The following CACNA1D variants were observed in gnomAD, a reference collection of about 807,000 sequenced individuals.
CACNA1D encodes voltage-dependent L-type calcium channel subunit alpha-1D.
A neutral mutation model predicts 257.1 loss-of-function variants in CACNA1D; 55 were observed. That is an observed-to-expected ratio of 0.21 (90% CI 0.17 to 0.27). The LOEUF (loss-of-function observed/expected upper bound fraction) is 0.27. CACNA1D is among the 10% of genes least tolerant of loss of function. The pLI is 1.00. For missense variants in CACNA1D, 1,876 were observed against 2,784.0 expected, an observed-to-expected ratio of 0.67 and a Z score of 7.34; for synonymous variants, 980 against 1,014.9, an observed-to-expected ratio of 0.97 and a Z score of 0.65.
chr3:53,732,720 A>G lies in CACNA1D; in HGVS notation c.2474-95A>G, dbSNP rs908039189. On this transcript the variant is annotated intron_variant, in intron 18 of 47. Coordinates refer to ENST00000350061, the MANE Select transcript of CACNA1D (RefSeq NM_001128840.3). The stretch of plus-strand genomic sequence containing the variant: ...TTCATGTAAGCAGGTAGATGTTGTT[A>G]AAGTTTAAGCCAAATTTGCATGTGA... The G allele has an allele frequency of 2.5e-6, 3 of 1,200,554 alleles. No individual in the cohort carries two copies. The Admixed American group carries it at 5.1e-5, about 20-fold the overall frequency. 74.4% of individuals were successfully genotyped at this position (1,200,554 alleles called of 1,614,324 possible).
At chr3:53,573,245 G>T (rs772755811) in intron 3 of CACNA1D, among the ~76,000 whole-genome samples, 1 of 152,008 alleles carries the variant, frequency 6.6e-6, no homozygotes, top group Non-Finnish European at 1.5e-5. Context: ...CCAACTGCTG[G>T]CAGGAAAGGG....
At chr3:53,625,707 C>T (rs1048125845) in intron 3 of CACNA1D, among the ~76,000 whole-genome samples, 14 of 152,094 alleles carry the variant, frequency 9.2e-5, no homozygotes, top group African/African-American at 2.9e-4. Context: ...AGGAATTTGC[C>T]GAAACTATAA....
Position 53,494,905 on chromosome 3 carries a change from A to G in CACNA1D, c.-262A>G. 4 of 462,244 alleles carry G rather than the reference A, an allele frequency of 8.7e-6. No homozygotes were observed. The highest frequency in any genetic ancestry group is 6.7e-5 in the South Asian group (3 of 44,524). The allele number at this position is 462,244 out of a possible 1,614,324, so 28.6% of individuals were successfully genotyped here. On this transcript the variant is annotated 5_prime_UTR_variant, in exon 1 of 48. Coordinates refer to ENST00000350061, the MANE Select transcript of CACNA1D (RefSeq NM_001128840.3). The stretch of plus-strand genomic sequence containing the variant: ...TATATATTATTAAGATAATATATAC[A>G]TTGGATTTTATTTTTTTAAAAAGTT...
intron 21 of CACNA1D, chr3:53,740,577 T>C: frequency 2.1e-6 from 1 of 478,202 alleles, no homozygotes. Context: ...GTTTTTTTTT[T>C]GTCTTTCGTG....
chr3:53,655,276 A>C (rs1187436072), intron 4 of CACNA1D, among the ~76,000 whole-genome samples: 1 of 152,208 alleles, frequency 6.6e-6, no homozygotes, highest in African/African-American at 2.4e-5. Flanking sequence ...CACAGTGAAC[A>C]TTAACATGCA....
At chr3:53,519,792 C>T (rs750447133) in intron 3 of CACNA1D, among the ~76,000 whole-genome samples, 3 of 152,198 alleles carry the variant, frequency 2.0e-5, no homozygotes, top group Non-Finnish European at 4.4e-5. Context: ...TATTAGCTGT[C>T]ACCCCATTTT....
At chr3:53,767,325 GA>G (rs1403770724) in intron 30 of CACNA1D, among the ~76,000 whole-genome samples, 1 of 152,166 alleles carries the variant, frequency 6.6e-6, no homozygotes, top group African/African-American at 2.4e-5. Context: ...AGCACTTTGG[GA>G]GGCCGAGATA....
chr3:53,540,324 C>G (rs1174447878), intron 3 of CACNA1D, among the ~76,000 whole-genome samples: 2 of 150,964 alleles, frequency 1.3e-5, no homozygotes, highest in Non-Finnish European at 3.0e-5. Flanking sequence ...CAGGGTTTCA[C>G]CATGTTGGCC....
chr3:53,691,636 T>C (rs1009619325), intron 8 of CACNA1D, among the ~76,000 whole-genome samples: 2 of 143,708 alleles, frequency 1.4e-5, no homozygotes, highest in Admixed American at 1.5e-4. Flanking sequence ...ATGCCTGAAA[T>C]ACTTTATTTC....
rs1477852718 is a variant in CACNA1D, at chr3:53,780,006, A to G, written c.4588-20A>G. 3.9e-6 allele frequency: 6 copies of G among 1,556,766 alleles called. No individual in the cohort carries two copies. The highest frequency in any genetic ancestry group is 1.8e-6 in the Non-Finnish European group (2 of 1,127,754). ...TCACTCATTTGCATTCTACAAAGAA[A>G]CCTTCCTTTCTGTTTACAGAGATTA... is the stretch of plus-strand genomic sequence containing the variant. On this transcript the variant is annotated intron_variant, in intron 37 of 47. Coordinates refer to ENST00000350061, the MANE Select transcript of CACNA1D (RefSeq NM_001128840.3).
At chr3:53,504,191 A>C (rs1398851967) in intron 3 of CACNA1D, among the ~76,000 whole-genome samples, 2 of 152,092 alleles carry the variant, frequency 1.3e-5, no homozygotes, top group Non-Finnish European at 1.5e-5. Context: ...TGAATGGTAA[A>C]ATCAAAGGGC....
At chr3:53,810,537 A>G in intron 47 of CACNA1D, 1 of 552,620 alleles carries the variant, frequency 1.8e-6, no homozygotes, top group South Asian at 2.0e-5. Flanking sequence ...CGGGTGGATC[A>G]CCTGAGGTCA....
At position 53,691,801 on chromosome 3, in the gene CACNA1D, A is replaced by G. The variant is rs566160220; in HGVS notation, c.1221-10840A>G. Among the ~76,000 whole-genome samples, 3 of 87,388 alleles carry G rather than the reference A, an allele frequency of 3.4e-5. 1 individual carries two copies. In the South Asian group the frequency reaches 8.6e-4, roughly 25 times the overall value. The allele number at this position is 87,388 out of a possible 152,430, so 57.3% of individuals were successfully genotyped here. On this transcript the variant is annotated intron_variant, in intron 8 of 47. Coordinates refer to ENST00000350061, the MANE Select transcript of CACNA1D (RefSeq NM_001128840.3). ...TATATCTATAATATATATATTACAT[A>G]TATAATATATATTATATATTATATC...
intron 40 of CACNA1D, among the ~76,000 whole-genome samples, chr3:53,788,908 C>A (rs1559690977): frequency 6.6e-6 from 1 of 152,170 alleles, no homozygotes; most frequent in Non-Finnish European, 1.5e-5. Context: ...TCTGAACCCC[C>A]AAGACTTCCC....
chr3:53,564,628 T>A (rs908871448), intron 3 of CACNA1D, among the ~76,000 whole-genome samples: 1 of 152,148 alleles, frequency 6.6e-6, no homozygotes, highest in Non-Finnish European at 1.5e-5. Flanking sequence ...CCATTAGGAG[T>A]TTTTTTCTTT....
At chr3:53,683,799 AAC>A (rs373738991) in intron 8 of CACNA1D, among the ~76,000 whole-genome samples, 3 of 152,366 alleles carry the variant, frequency 2.0e-5, no homozygotes, top group African/African-American at 7.2e-5. Context: ...TCTCTAAAAC[AAC>A]AATAAGCAAT....
chr3:53,601,011 G>A (rs1301465155), intron 3 of CACNA1D, among the ~76,000 whole-genome samples: 4 of 152,152 alleles, frequency 2.6e-5, no homozygotes, highest in Admixed American at 6.5e-5. Flanking sequence ...TCCACAGTAC[G>A]TTGTAAGTTT....
At chr3:53,681,868 C>A (rs1352079365) in intron 8 of CACNA1D, among the ~76,000 whole-genome samples, 1 of 151,918 alleles carries the variant, frequency 6.6e-6, no homozygotes, top group East Asian at 1.9e-4. Context: ...GAAGCTAGGG[C>A]AAGGGTATTC....
chr3:53,580,748 A>G (rs2093119152), intron 3 of CACNA1D, among the ~76,000 whole-genome samples: 1 of 152,224 alleles, frequency 6.6e-6, no homozygotes, highest in Non-Finnish European at 1.5e-5. Flanking sequence ...GAATAAACAA[A>G]TGGGATACAC....
Sources: allele counts gnomAD v4.1 joint callset (sites outside exome capture counted in the v4.1 genomes callset), GRCh38; gene constraint gnomAD v4.1.1; transcripts MANE v1.5; gene names NCBI Gene and HGNC (gene_info 2026-07-23, HGNC 2026-07-21).